The following MDGA2 variants were observed in gnomAD, a reference collection of about 807,000 sequenced individuals.
The protein encoded by MDGA2 is MAM domain-containing glycosylphosphatidylinositol anchor protein 2.
A neutral mutation model predicts 117.8 loss-of-function variants in MDGA2; 40 were observed. That is an observed-to-expected ratio of 0.34 (90% CI 0.26 to 0.44). The LOEUF is 0.44. Ranked by LOEUF, MDGA2 falls within the 20% of genes least tolerant of loss-of-function variation. The probability of loss-of-function intolerance (pLI) is 1.00; values close to 1 mark genes in which losing one functional copy is unlikely to be tolerated. For missense variants in MDGA2, 1,123 were observed against 1,250.6 expected, an observed-to-expected ratio of 0.90 and a Z score of 1.54; for synonymous variants, 452 against 439.0, an observed-to-expected ratio of 1.03 and a Z score of -0.37.
At chr14:47,508,881 G>A (rs376713903) in intron 1 of MDGA2, among the ~76,000 whole-genome samples, 11 of 152,162 alleles carry the variant, frequency 7.2e-5, no homozygotes, top group African/African-American at 1.7e-4. Flanking sequence ...TAGTAGAGAC[G>A]AAGTTTTACC....
intron 8 of MDGA2, among the ~76,000 whole-genome samples, chr14:46,986,608 A>G (rs141924308): frequency 2.0e-5 from 3 of 152,246 alleles, no homozygotes; most frequent in African/African-American, 7.2e-5. Context: ...GCTATTGATG[A>G]AATTTCCAAA....
chr14:47,470,267 C>G (rs1180067158), intron 1 of MDGA2, among the ~76,000 whole-genome samples: 2 of 11,702 alleles, frequency 1.7e-4, no homozygotes, highest in Non-Finnish European at 4.1e-4. Context: ...TTCCCCCAGC[C>G]CCCCCACCCC....
intron 8 of MDGA2, among the ~76,000 whole-genome samples, chr14:46,969,968 A>G (rs904380760): frequency 1.0e-4 from 14 of 139,448 alleles, no homozygotes; most frequent in African/African-American, 3.6e-4. Context: ...ATATATATAT[A>G]TATATATATG....
intron 3 of MDGA2, among the ~76,000 whole-genome samples, chr14:47,195,376 A>G (rs1374050437): frequency 6.6e-6 from 1 of 152,042 alleles, no homozygotes; most frequent in African/African-American, 2.4e-5. Context: ...CTTATTTAAA[A>G]TTTGAAAATA....
chr14:46,901,434 C>T (rs1273112338), intron 10 of MDGA2, among the ~76,000 whole-genome samples: 1 of 152,134 alleles, frequency 6.6e-6, no homozygotes, highest in African/African-American at 2.4e-5. Flanking sequence ...GACTGGCATG[C>T]TTCTTGATAG....
intron 3 of MDGA2, among the ~76,000 whole-genome samples, chr14:47,207,934 C>T (rs903131523): frequency 3.3e-5 from 5 of 151,914 alleles, no homozygotes; most frequent in African/African-American, 4.8e-5. Flanking sequence ...GAAGCTAAGA[C>T]GTATTAAATT....
chr14:47,596,352 G>C (rs1896542049), intron 1 of MDGA2, among the ~76,000 whole-genome samples: 1 of 152,148 alleles, frequency 6.6e-6, no homozygotes, highest in Non-Finnish European at 1.5e-5. Context: ...CCTGAAAACA[G>C]ATAAAGATTT....
intron 1 of MDGA2, among the ~76,000 whole-genome samples, chr14:47,379,896 C>A (rs1362123955): frequency 2.6e-5 from 4 of 152,206 alleles, no homozygotes; most frequent in Non-Finnish European, 5.9e-5. Flanking sequence ...CAGAACTCTG[C>A]ACCCCAGGTC....
At chr14:47,456,660 T>A (rs1489171871) in intron 1 of MDGA2, among the ~76,000 whole-genome samples, 1 of 152,054 alleles carries the variant, frequency 6.6e-6, no homozygotes, top group Admixed American at 6.6e-5. Context: ...AGTGGACAAA[T>A]CATTAGACAA....
chr14:47,385,170 A>C (rs1891729253), intron 1 of MDGA2, among the ~76,000 whole-genome samples: 1 of 152,096 alleles, frequency 6.6e-6, no homozygotes, highest in Admixed American at 6.6e-5. Context: ...ACTATGTCTA[A>C]AATGTTTTCA....
At chr14:46,933,349 A>G (rs991024799) in intron 9 of MDGA2, among the ~76,000 whole-genome samples, 1 of 151,504 alleles carries the variant, frequency 6.6e-6, no homozygotes, top group Non-Finnish European at 1.5e-5. Context: ...CTTTAAAAAA[A>G]TTTTTTTTTG....
At chr14:46,999,298 C>T (rs771807938) in intron 8 of MDGA2, among the ~76,000 whole-genome samples, 1 of 151,412 alleles carries the variant, frequency 6.6e-6, no homozygotes, top group Non-Finnish European at 1.5e-5. Context: ...AAAAAAAAAT[C>T]TTTTTTTCCA....
intron 10 of MDGA2, among the ~76,000 whole-genome samples, chr14:46,887,904 G>C (rs1388389450): frequency 2.0e-5 from 3 of 151,748 alleles, no homozygotes; most frequent in Non-Finnish European, 4.4e-5. Context: ...TTTAATCAAG[G>C]TGTACTTTCC....
At chr14:47,107,911 G>T (rs1375729382) in intron 5 of MDGA2, among the ~76,000 whole-genome samples, 1 of 151,530 alleles carries the variant, frequency 6.6e-6, no homozygotes, top group Admixed American at 6.6e-5. Flanking sequence ...GAAGGCCACC[G>T]CAGTCATCTC....
chr14:47,594,316 C>G (rs887948112), intron 1 of MDGA2, among the ~76,000 whole-genome samples: 10 of 152,044 alleles, frequency 6.6e-5, no homozygotes, highest in African/African-American at 2.2e-4. Context: ...ATATTTTCTC[C>G]CATACATTTA....
chr14:47,091,488 T>TTA lies in MDGA2; in HGVS notation c.1195+5364_1195+5365dup, dbSNP rs1207744235. The stretch of plus-strand genomic sequence containing the variant: ...AAGATAGGGGAATCAGAGAAGGTGT[T>TTA]TACTAGAGGGTAGTATTTGAAAACT... On this transcript the variant is annotated intron_variant, in intron 6 of 16. Transcript: ENST00000399232. 5.3e-5 allele frequency among the ~76,000 whole-genome samples: 8 copies of TTA among 152,186 alleles called. 1 individual carries two copies. The highest frequency in any genetic ancestry group is 1.9e-4 in the African/African-American group (8 of 41,532).
At chr14:46,926,690 A>G (rs984617750) in intron 9 of MDGA2, among the ~76,000 whole-genome samples, 17 of 152,122 alleles carry the variant, frequency 1.1e-4, no homozygotes, top group Admixed American at 4.6e-4. Context: ...AATTAATTAG[A>G]AAAGAAGAGA....
At chr14:47,278,563 A>C (rs1468452003) in intron 2 of MDGA2, among the ~76,000 whole-genome samples, 1 of 152,192 alleles carries the variant, frequency 6.6e-6, no homozygotes, top group East Asian at 1.9e-4. Flanking sequence ...TGGTCCAGTC[A>C]TCTAAAGACC....
chr14:47,452,649 GCT>G (rs1893265327), intron 1 of MDGA2, among the ~76,000 whole-genome samples: 1 of 151,820 alleles, frequency 6.6e-6, no homozygotes, highest in Non-Finnish European at 1.5e-5. Context: ...AAAGATTTGT[GCT>G]CTCCTTTAAA....
Sources: gnomAD v4.1 joint callset for allele counts (sites outside exome capture counted in the v4.1 genomes callset) on GRCh38, gnomAD v4.1.1 for gene constraint, MANE v1.5 for transcripts, NCBI Gene and HGNC (gene_info 2026-07-23, HGNC 2026-07-21) for gene names.